AP1AR: variants seen among roughly 807,000 people sequenced by gnomAD.
The protein encoded by AP1AR is adaptor related protein complex 1 associated regulatory protein.
Under a neutral mutation model 46.3 loss-of-function variants are expected in AP1AR, and 29 were observed. The observed-to-expected ratio is 0.63, with a 90% CI of 0.47 to 0.85. AP1AR has a LOEUF of 0.85. Ranked by LOEUF, AP1AR falls within the 40% of genes least tolerant of loss-of-function variation. The probability of loss-of-function intolerance (pLI) is 0.00; values close to 1 mark genes in which losing one functional copy is unlikely to be tolerated. For missense variants in AP1AR, 357 were observed against 356.3 expected, an observed-to-expected ratio of 1.00 and a Z score of -0.02; for synonymous variants, 122 against 122.9, an observed-to-expected ratio of 0.99 and a Z score of 0.05.
In AP1AR at chr4:112,266,592, C is replaced by T; in HGVS notation, c.519C>T (p.Leu173=). ...TGTATTTCGTGTATATTCTAGGACTCTCATCAGATGCTACAGTTTTGACAC... is the reference window on the plus strand; with the variant it reads ...TGTATTTCGTGTATATTCTAGGACTTTCATCAGATGCTACAGTTTTGACAC... ...SQYEVFRSSR[L]SSDATVLTPN... Residue 173 remains leucine (L), a synonymous_variant, in exon 9 of 10, where the codon CTC becomes CTT. Coordinates refer to ENST00000274000, the MANE Select transcript of AP1AR (RefSeq NM_018569.6). 1 of 1,609,372 alleles carries T rather than the reference C, an allele frequency of 6.2e-7. No homozygotes were observed. Among genetic ancestry groups the T allele is most frequent in the Non-Finnish European group, 8.5e-7 (1 of 1,177,156 alleles).
rs1166530697 is a variant in AP1AR at position 112,269,780 on chromosome 4, TATA to T, written c.*1375_*1377del. On this transcript the variant is annotated 3_prime_UTR_variant, in exon 10 of 10. Coordinates refer to ENST00000274000, the MANE Select transcript of AP1AR (RefSeq NM_018569.6). ...TAATATGATACTTTAAATATGTAAA[TATA>T]ATACATTAGGTAATGCTATTATTTA... 6.6e-6 allele frequency: 1 copy of T among 152,522 alleles called. No individual in the cohort carries two copies. The highest frequency in any genetic ancestry group is 1.5e-5 in the Non-Finnish European group (1 of 67,944). The allele number at this position is 152,522 out of a possible 1,614,324, so 9.4% of individuals were successfully genotyped here. A position where few individuals can be genotyped will look rare whatever the true frequency, so the allele number is the denominator to read the frequency against.
At chr4:112,236,124 C>T (rs994985974) in intron 1 of AP1AR, among the ~76,000 whole-genome samples, 1 of 151,710 alleles carries the variant, frequency 6.6e-6, no homozygotes, top group African/African-American at 2.4e-5. Flanking sequence ...CTAAGAGGCA[C>T]TCTTGGATAT....
In AP1AR at chr4:112,237,481, G is replaced by A. The variant is rs142371854; in HGVS notation, c.83+5307G>A. On this transcript the variant is annotated intron_variant, in intron 1 of 9. Transcript: ENST00000274000. Reference sequence around the variant, plus strand: ...TTTTTATTTTTATTTTTTTTGAGACGAGGTCTCACTCTGTCACCCAGGCTG... The same window carrying A: ...TTTTTATTTTTATTTTTTTTGAGACAAGGTCTCACTCTGTCACCCAGGCTG... 9.4e-3 allele frequency among the ~76,000 whole-genome samples: 1,421 copies of A among 150,454 alleles called. 18 individuals are homozygous for A. Among genetic ancestry groups the A allele is most frequent in the African/African-American group, 0.032 (1,329 of 40,902 alleles).
chr4:112,233,865 CT>C (rs202086570), intron 1 of AP1AR, among the ~76,000 whole-genome samples: 1 of 151,418 alleles, frequency 6.6e-6, no homozygotes, highest in Non-Finnish European at 1.5e-5. Context: ...GTATTTCTTT[CT>C]TTTTTTTTGA....
chr4:112,266,536 T>TG, intron 8 of AP1AR, 52 bp from the exon 9 acceptor site: 1 of 1,555,060 alleles, frequency 6.4e-7, no homozygotes. Context: ...AAACGGCTGT[T>TG]GCGGTGGAAG....
chr4:112,262,741 CAGAAT>C (rs1387956063), intron 5 of AP1AR, among the ~76,000 whole-genome samples: 3 of 152,178 alleles, frequency 2.0e-5, no homozygotes, highest in Non-Finnish European at 4.4e-5. Context: ...TATATTTATA[CAGAAT>C]AGATGCTACT....
intron 1 of AP1AR, among the ~76,000 whole-genome samples, chr4:112,244,940 T>C (rs1268965776): frequency 2.6e-5 from 4 of 152,194 alleles, no homozygotes; most frequent in African/African-American, 9.6e-5. Flanking sequence ...TAAGCAATTA[T>C]GTTTGCATAA....
intron 9 of AP1AR, chr4:112,266,924 T>G (rs1373421915): frequency 1.5e-5 from 6 of 408,388 alleles, no homozygotes; most frequent in Admixed American, 4.4e-5. Context: ...TTCTTTAGAT[T>G]TAGAAAATAA....
intron 1 of AP1AR, 21 bp downstream of exon 1, chr4:112,232,195 G>T: frequency 7.9e-7 from 1 of 1,266,138 alleles, no homozygotes; most frequent in Non-Finnish European, 1.0e-6. Flanking sequence ...TGGGGGAGGG[G>T]CCCGGCCCCC....
intron 7 of AP1AR, 82 bp from the exon 8 acceptor site, chr4:112,265,652 C>A: frequency 1.0e-6 from 1 of 999,054 alleles, no homozygotes; most frequent in Non-Finnish European, 1.5e-6. Flanking sequence ...GTCTTCAAGC[C>A]ACAATGCCAT....
chr4:112,234,398 G>T (rs1047688333), intron 1 of AP1AR, among the ~76,000 whole-genome samples: 3 of 152,164 alleles, frequency 2.0e-5, no homozygotes, highest in Non-Finnish European at 4.4e-5. Flanking sequence ...TTTACTGTTT[G>T]TGGGCAAAGC....
intron 1 of AP1AR, among the ~76,000 whole-genome samples, chr4:112,246,837 GA>G (rs1725745300): frequency 1.3e-5 from 2 of 152,142 alleles, no homozygotes; most frequent in Non-Finnish European, 2.9e-5. Flanking sequence ...TGAACCAGGG[GA>G]CTTTTCTACA....
intron 9 of AP1AR, among the ~76,000 whole-genome samples, chr4:112,267,756 GTGAT>G (rs1282137870): frequency 2.0e-5 from 3 of 152,058 alleles, no homozygotes; most frequent in Admixed American, 6.6e-5. Context: ...TATCATTAGA[GTGAT>G]TGTCATTCTC....
Position 112,272,646 on chromosome 4 carries a change from G to A in AP1AR, c.*4237G>A, listed in dbSNP as rs1022696720. Among the ~76,000 whole-genome samples the A allele has an allele frequency of 4.6e-5, 7 of 152,102 alleles. No individual in the cohort carries two copies. The highest frequency in any genetic ancestry group is 1.7e-4 in the African/African-American group (7 of 41,408). On this transcript the variant is annotated 3_prime_UTR_variant, in exon 10 of 10. Transcript: ENST00000274000. ...CAAGCTGGGTACTCAATCTTTTGAC[G>A]TCCCCCTTCGTTCCATCCAAGTGTA...
At chr4:112,244,779 C>G (rs1725652861) in intron 1 of AP1AR, among the ~76,000 whole-genome samples, 1 of 152,102 alleles carries the variant, frequency 6.6e-6, no homozygotes, top group African/African-American at 2.4e-5. Flanking sequence ...ACATTCACAC[C>G]TCCAAAAATC....
chr4:112,260,412 GT>G (rs1294129647), intron 4 of AP1AR, among the ~76,000 whole-genome samples: 10 of 152,174 alleles, frequency 6.6e-5, no homozygotes, highest in Non-Finnish European at 1.3e-4. Flanking sequence ...GTGTACTGAT[GT>G]TTATATTTTA....
chr4:112,240,216 CT>C (rs1237563649), intron 1 of AP1AR, among the ~76,000 whole-genome samples: 3 of 151,996 alleles, frequency 2.0e-5, no homozygotes, highest in African/African-American at 7.2e-5. Flanking sequence ...TTTATTTTTG[CT>C]TCATGTGTGT....
intron 1 of AP1AR, among the ~76,000 whole-genome samples, chr4:112,251,143 C>G (rs993591258): frequency 6.6e-6 from 1 of 152,148 alleles, no homozygotes; most frequent in African/African-American, 2.4e-5. Flanking sequence ...CTCTAGAGCT[C>G]TCAGAAGGAT....
Position 112,260,794 on chromosome 4 carries a change from C to T in AP1AR, c.214C>T (p.Leu72=). Residue 72 remains leucine (L), a synonymous_variant, in exon 5 of 10, where the codon CTA becomes TTA. Coordinates refer to ENST00000274000, the MANE Select transcript of AP1AR (RefSeq NM_018569.6). The part of the protein sequence containing the change: ...RPLTEEEIVD[L]RERHYDSIAE... ...TCTTACTGAGGAAGAAATTGTTGAC[C>T]TAAGAGAAAGGCATTATGATTCCAT... 2 of 1,600,186 alleles carry T rather than the reference C, an allele frequency of 1.2e-6. No homozygotes were observed. Among genetic ancestry groups the T allele is most frequent in the Non-Finnish European group, 1.7e-6 (2 of 1,174,398 alleles).
Sources: gnomAD v4.1 joint callset for allele counts (sites outside exome capture counted in the v4.1 genomes callset) on GRCh38, gnomAD v4.1.1 for gene constraint, MANE v1.5 for transcripts, NCBI Gene and HGNC (gene_info 2026-07-23, HGNC 2026-07-21) for gene names.